DMXL2: variants seen among roughly 807,000 people sequenced by gnomAD.
DMXL2 encodes the protein dmX-like protein 2.
A neutral mutation model predicts 331.1 loss-of-function variants in DMXL2; 103 were observed. That is an observed-to-expected ratio of 0.31 (90% CI 0.27 to 0.37). DMXL2 has a LOEUF of 0.37. DMXL2 is among the 10% of genes least tolerant of loss of function. The pLI is 1.00. For synonymous variants in DMXL2, 1,281 were observed against 1,252.1 expected (o/e 1.02, Z -0.49); for missense variants, 3,171 against 3,642.9 (o/e 0.87, Z 3.33).
intron 8 of DMXL2, among the ~76,000 whole-genome samples, chr15:51,545,338 T>C (rs904707882): frequency 1.1e-4 from 17 of 152,176 alleles, no homozygotes; most frequent in African/African-American, 4.1e-4. Flanking sequence ...AACTTGAGCA[T>C]AAAATATCAA....
intron 26 of DMXL2, among the ~76,000 whole-genome samples, chr15:51,477,610 A>G (rs2041690995): frequency 6.6e-6 from 1 of 152,090 alleles, no homozygotes; most frequent in Non-Finnish European, 1.5e-5. Context: ...TATATTTAAT[A>G]TCAATTTAAT....
In DMXL2 at chr15:51,507,201, C is replaced by T; in HGVS notation, c.2697G>A (p.Lys899=). 6.2e-7 allele frequency: 1 copy of T among 1,610,812 alleles called. No individual in the cohort carries two copies. Among genetic ancestry groups the T allele is most frequent in the Non-Finnish European group, 8.5e-7 (1 of 1,178,056 alleles). Residue 899 remains lysine, a synonymous_variant, in exon 16 of 44, where the codon AAG becomes AAA. Transcript: ENST00000560891. ...GCAGAATAGAGTTATTATTGCTGTC[C>T]TTCTCAATTACTACTAGAAAGAACT... is the stretch of plus-strand genomic sequence containing the variant. The part of the protein sequence containing the change: ...SEKFFLVVIE[K]DSNNNSILHM...
Position 51,591,109 on chromosome 15 carries a change from G to A in DMXL2, c.88-14928C>T, listed in dbSNP as rs553055698. Among the ~76,000 whole-genome samples, 60 of 152,314 alleles carry A rather than the reference G, an allele frequency of 3.9e-4. 1 individual carries two copies. The South Asian group carries it at 0.012, about 29-fold the overall frequency. Reference sequence around the variant, plus strand: ...TGCAGGACAGTGGATGCAGTGCACCGAACGTGAACCGAAGCAGGGCGAGGC... The same window carrying A: ...TGCAGGACAGTGGATGCAGTGCACCAAACGTGAACCGAAGCAGGGCGAGGC... On this transcript the variant is annotated intron_variant, in intron 1 of 43. Transcript: ENST00000560891.
chr15:51,605,394 T>C (rs1415057293), intron 1 of DMXL2, among the ~76,000 whole-genome samples: 1 of 151,784 alleles, frequency 6.6e-6, no homozygotes, highest in Non-Finnish European at 1.5e-5. Flanking sequence ...AGAGACAGGG[T>C]TTCACCGTGT....
intron 13 of DMXL2, among the ~76,000 whole-genome samples, chr15:51,522,540 A>G (rs145448227): frequency 9.0e-4 from 137 of 152,334 alleles, no homozygotes; most frequent in African/African-American, 3.1e-3. Context: ...GCTACTCAGG[A>G]GGCTGAGGCA....
At chr15:51,566,977 A>G (rs1008444350) in intron 3 of DMXL2, 3 of 150,846 alleles carry the variant, frequency 2.0e-5, no homozygotes, top group Non-Finnish European at 3.0e-5. Flanking sequence ...CTGGTAAGTG[A>G]GCTTTTTAAA....
At chr15:51,508,157 T>C (rs938087405) in intron 15 of DMXL2, among the ~76,000 whole-genome samples, 2 of 151,838 alleles carry the variant, frequency 1.3e-5, no homozygotes, top group Admixed American at 1.3e-4. Context: ...GAGGGGAACA[T>C]AACACATCAG....
chr15:51,459,953 G>T, intron 33 of DMXL2: 1 of 984,306 alleles, frequency 1.0e-6, no homozygotes, highest in Non-Finnish European at 1.2e-6. Flanking sequence ...TACATAACTG[G>T]TAATCTATAA....
Position 51,597,979 on chromosome 15 carries a change from C to A in DMXL2, c.88-21798G>T, listed in dbSNP as rs78763496. ...CAAATATTTCATCCGTTATTGTTAT[C>A]ATTTTCTTATTTGTAGATATTGTTA... is the stretch of plus-strand genomic sequence containing the variant. On this transcript the variant is annotated intron_variant, in intron 1 of 43. Coordinates refer to ENST00000560891, the MANE Select transcript of DMXL2 (RefSeq NM_001378457.1). 2.6e-3 allele frequency among the ~76,000 whole-genome samples: 396 copies of A among 152,202 alleles called. 17 individuals carry two copies. The East Asian group carries it at 0.061, about 24-fold the overall frequency.
chr15:51,474,613 A>G (rs904067620), intron 27 of DMXL2, 21 bp from the exon 28 acceptor site: 77 of 1,573,700 alleles, frequency 4.9e-5, no homozygotes, highest in Non-Finnish European at 6.4e-5. Flanking sequence ...ATATAAAATC[A>G]TAAGACGTAT....
intron 36 of DMXL2, 56 bp downstream of exon 36, chr15:51,458,450 C>T (rs2039841038): frequency 1.3e-6 from 2 of 1,568,668 alleles, no homozygotes; most frequent in South Asian, 2.3e-5. Context: ...TGTGCATAAC[C>T]ATTTGGTGGG....
At chr15:51,574,634 A>T (rs1351815669) in intron 2 of DMXL2, among the ~76,000 whole-genome samples, 1 of 152,214 alleles carries the variant, frequency 6.6e-6, no homozygotes, top group Non-Finnish European at 1.5e-5. Flanking sequence ...ACAGACTAAT[A>T]CAAGGTCACC....
At chr15:51,518,369 T>C (rs1175063399) in intron 13 of DMXL2, among the ~76,000 whole-genome samples, 1 of 152,096 alleles carries the variant, frequency 6.6e-6, no homozygotes, top group Admixed American at 6.5e-5. Flanking sequence ...AACAGTCTGC[T>C]GGGTTTGTTC....
At chr15:51,569,893 G>A (rs2050546235) in intron 2 of DMXL2, among the ~76,000 whole-genome samples, 1 of 152,132 alleles carries the variant, frequency 6.6e-6, no homozygotes, top group Non-Finnish European at 1.5e-5. Flanking sequence ...TCCTCCAAAT[G>A]ATCACAACTC....
intron 13 of DMXL2, among the ~76,000 whole-genome samples, chr15:51,527,587 G>C (rs924871566): frequency 6.6e-6 from 1 of 152,000 alleles, no homozygotes; most frequent in Non-Finnish European, 1.5e-5. Context: ...AAATTAGCTG[G>C]GCGTGGCAGT....
Position 51,466,186 on chromosome 15 carries a change from A to G in DMXL2, c.7518T>C (p.Tyr2506=). Residue 2506 remains tyrosine (Y), a splice_region_variant and synonymous_variant, in exon 30 of 44, where the codon TAT becomes TAC. Coordinates refer to ENST00000560891, the MANE Select transcript of DMXL2 (RefSeq NM_001378457.1). Reference sequence around the variant, plus strand: ...AGAGAAAGAAAAGTCTTATTTACCTATAGGAATTTGGATCTTGGTGCTCCT... The same window carrying G: ...AGAGAAAGAAAAGTCTTATTTACCTGTAGGAATTTGGATCTTGGTGCTCCT... The part of the protein sequence containing the change: ...QIQEHQDPNS[Y]SWALLHLTMV... 6.4e-7 allele frequency: 1 copy of G among 1,558,532 alleles called. No individual in the cohort carries two copies. The highest frequency in any genetic ancestry group is 1.3e-5 in the South Asian group (1 of 79,462).
chr15:51,481,579 A>G lies in DMXL2; in HGVS notation c.5527T>C (p.Tyr1843His). The stretch of plus-strand genomic sequence containing the variant: ...ATGAGCAAAGGATGAGTTCGAAGGT[A>G]GTTATAAAAACTAAATGCCACCGGG... Reference protein sequence around the residue: ...CNPVAFSFYNYLRTHPLLIRR... With the variant: ...CNPVAFSFYNHLRTHPLLIRR... The change falls in exon 24 of 44, where the codon TAC becomes CAC. Residue 1843 changes from tyrosine (Y) to histidine (H), a missense_variant. By Grantham distance (83) the Tyr-to-His change is moderately conservative. Coordinates refer to ENST00000560891, the MANE Select transcript of DMXL2 (RefSeq NM_001378457.1). The G allele has an allele frequency of 1.3e-6, 2 of 1,580,408 alleles. No individual in the cohort carries two copies. Among genetic ancestry groups the G allele is most frequent in the South Asian group, 1.2e-5 (1 of 85,884 alleles).
intron 33 of DMXL2, among the ~76,000 whole-genome samples, chr15:51,461,550 C>T (rs758221949): frequency 7.9e-5 from 12 of 152,088 alleles, no homozygotes; most frequent in Non-Finnish European, 1.5e-4. Flanking sequence ...CCTAATTGAC[C>T]AGAAATCTTA....
chr15:51,499,537 T>C lies in DMXL2; in HGVS notation c.3687A>G (p.Arg1229=), dbSNP rs780221655. ...GGSIKQGVKS[R]WVLLRSIDLV... is the part of the protein sequence containing the mutation. Reference sequence around the variant, plus strand: ...AGTCTATAGATCTAAGAAGAACCCATCTTGACTTAACTCCTTGCTTGATAC... The same window carrying C: ...AGTCTATAGATCTAAGAAGAACCCACCTTGACTTAACTCCTTGCTTGATAC... Residue 1229 remains arginine (R), a synonymous_variant, in exon 18 of 44, where the codon AGA becomes AGG. Coordinates refer to ENST00000560891, the MANE Select transcript of DMXL2 (RefSeq NM_001378457.1). 6.2e-7 allele frequency: 1 copy of C among 1,614,082 alleles called. No individual in the cohort carries two copies. The highest frequency in any genetic ancestry group is 1.7e-5 in the Admixed American group (1 of 60,016).
Sources: gnomAD v4.1 joint callset for allele counts (sites outside exome capture counted in the v4.1 genomes callset) on GRCh38, gnomAD v4.1.1 for gene constraint, MANE v1.5 for transcripts, NCBI Gene and HGNC (gene_info 2026-07-23, HGNC 2026-07-21) for gene names.